The following FAM81A variants were observed in gnomAD, a reference collection of about 807,000 sequenced individuals.
FAM81A encodes protein FAM81A.
In FAM81A, 19 loss-of-function variants were observed where a neutral mutation model predicts 46.7. The observed-to-expected ratio is 0.41, with a 90% CI of 0.28 to 0.60. The LOEUF (loss-of-function observed/expected upper bound fraction) is 0.60, where lower values mean the gene tolerates loss of function less well. Among genes scored for constraint, FAM81A ranks in the 20% least tolerant of loss-of-function variants. The pLI, the probability that FAM81A is intolerant of heterozygous loss-of-function variation, is 0.34. For synonymous variants in FAM81A, 183 were observed against 152.9 expected (o/e 1.20, Z -1.45); for missense variants, 377 against 453.5 (o/e 0.83, Z 1.53).
intron 3 of FAM81A, among the ~76,000 whole-genome samples, chr15:59,466,484 G>T (rs2081615066): frequency 6.6e-6 from 1 of 152,148 alleles, no homozygotes; most frequent in African/African-American, 2.4e-5. Context: ...TCATGTGTCT[G>T]TTGGCTGCAT....
At chr15:59,493,673 C>T (rs562662712) in intron 4 of FAM81A, among the ~76,000 whole-genome samples, 115 of 152,166 alleles carry the variant, frequency 7.6e-4, no homozygotes, top group African/African-American at 2.6e-3. Context: ...CTGCAACCTC[C>T]GCCTCCTGGA....
chr15:59,500,943 G>T (rs1455234234), intron 4 of FAM81A, among the ~76,000 whole-genome samples: 1 of 151,558 alleles, frequency 6.6e-6, no homozygotes, highest in Non-Finnish European at 1.5e-5. Context: ...TCCTATGTTT[G>T]CTCATTCTAT....
chr15:59,448,587 GT>G lies in FAM81A; in HGVS notation c.-77-9953del, dbSNP rs201830836. On this transcript the variant is annotated intron_variant, in intron 1 of 8. Transcript: ENST00000288228. ...GCATACTATAAATCCACCTTGGTGG[GT>G]TTTTTTTTTCTTTTTTACCTTAACA... 4.6e-4 allele frequency among the ~76,000 whole-genome samples: 69 copies of G among 148,792 alleles called. 1 individual carries two copies. The East Asian group carries it at 5.1e-3, about 11-fold the overall frequency.
chr15:59,498,733 C>G (rs556983160), intron 4 of FAM81A, among the ~76,000 whole-genome samples: 5 of 152,194 alleles, frequency 3.3e-5, no homozygotes, highest in African/African-American at 1.2e-4. Flanking sequence ...GGCTCACTGC[C>G]CCCTCCGCCC....
At chr15:59,485,205 A>T (rs1189889283) in intron 3 of FAM81A, among the ~76,000 whole-genome samples, 1 of 152,204 alleles carries the variant, frequency 6.6e-6, no homozygotes, top group Non-Finnish European at 1.5e-5. Context: ...CCTTAGGGGA[A>T]GGACACAAGC....
chr15:59,443,521 T>C (rs539942651), intron 1 of FAM81A, among the ~76,000 whole-genome samples: 2 of 152,302 alleles, frequency 1.3e-5, no homozygotes, highest in East Asian at 1.9e-4. Flanking sequence ...CCTTGACACG[T>C]TTGAAGGGTG....
At chr15:59,466,175 G>A (rs1305827760) in intron 3 of FAM81A, among the ~76,000 whole-genome samples, 1 of 152,126 alleles carries the variant, frequency 6.6e-6, no homozygotes, top group East Asian at 1.9e-4. Flanking sequence ...ACATACATGT[G>A]CATGATTTAT....
chr15:59,453,788 T>G (rs2081448656), intron 1 of FAM81A, among the ~76,000 whole-genome samples: 1 of 151,432 alleles, frequency 6.6e-6, no homozygotes. Context: ...GGAGAAGAGC[T>G]GGAAGAGGGT....
chr15:59,495,956 T>C (rs1354759728), intron 4 of FAM81A, among the ~76,000 whole-genome samples: 1 of 152,204 alleles, frequency 6.6e-6, no homozygotes, highest in African/African-American at 2.4e-5. Flanking sequence ...AAAATTACTG[T>C]CCCATTCTAA....
chr15:59,476,496 G>A (rs2081770134), intron 3 of FAM81A, among the ~76,000 whole-genome samples: 1 of 152,140 alleles, frequency 6.6e-6, no homozygotes, highest in African/African-American at 2.4e-5. Flanking sequence ...ATAAAAATTG[G>A]CACCAGGCAC....
intron 4 of FAM81A, among the ~76,000 whole-genome samples, chr15:59,498,821 A>AT: frequency 6.6e-6 from 1 of 151,968 alleles, no homozygotes; most frequent in Non-Finnish European, 1.5e-5. Context: ...TGCCCAGCTA[A>AT]TTTTTGTATT....
intron 7 of FAM81A, among the ~76,000 whole-genome samples, chr15:59,516,248 C>T (rs904981085): frequency 3.3e-5 from 5 of 151,814 alleles, no homozygotes; most frequent in Non-Finnish European, 5.9e-5. Context: ...GCCTCAGCCT[C>T]CTATGTAGCT....
At chr15:59,411,245 G>C (rs1233078917) in intron 2 of FAM81A, among the ~76,000 whole-genome samples, 2 of 152,330 alleles carry the variant, frequency 1.3e-5, no homozygotes, top group East Asian at 3.9e-4. Context: ...TTTGGGAACA[G>C]TCGCTGGGGC....
chr15:59,446,399 C>G (rs1254645378), intron 1 of FAM81A: 1 of 152,206 alleles, frequency 6.6e-6, no homozygotes, highest in Admixed American at 6.5e-5. Flanking sequence ...GTAAATCTGT[C>G]TGGATCTGAC....
chr15:59,481,595 C>G (rs2081851932), intron 3 of FAM81A, among the ~76,000 whole-genome samples: 1 of 152,008 alleles, frequency 6.6e-6, no homozygotes. Context: ...CACACTTTCC[C>G]TTGTTGCTAA....
chr15:59,495,105 C>G (rs2082020273), intron 4 of FAM81A, among the ~76,000 whole-genome samples: 1 of 152,174 alleles, frequency 6.6e-6, no homozygotes, highest in African/African-American at 2.4e-5. Flanking sequence ...TGTATTCACA[C>G]AGTCATGTAG....
intron 4 of FAM81A, among the ~76,000 whole-genome samples, chr15:59,493,107 C>T (rs911002794): frequency 6.6e-6 from 1 of 152,162 alleles, no homozygotes; most frequent in Admixed American, 6.5e-5. Flanking sequence ...ATATCAGCAC[C>T]GGAGCTGAGG....
chr15:59,402,002 C>A, intron 1 of FAM81A: 1 of 640,804 alleles, frequency 1.6e-6, no homozygotes, highest in Non-Finnish European at 2.8e-6. Flanking sequence ...TGTTCTGTGG[C>A]ATGTTGACGC....
At chr15:59,433,679 T>C (rs1047757318), upstream of FAM81A, among the ~76,000 whole-genome samples, 10 of 152,180 alleles carry the variant, frequency 6.6e-5, no homozygotes, top group Admixed American at 6.5e-4. Context: ...TTAATTCTAT[T>C]TTACTATTAG....
Sources: gnomAD v4.1 joint callset for allele counts (sites outside exome capture counted in the v4.1 genomes callset) on GRCh38, gnomAD v4.1.1 for gene constraint, MANE v1.5 for transcripts, NCBI Gene and HGNC (gene_info 2026-07-23, HGNC 2026-07-21) for gene names.